Variants in DLG2 observed in about 807,000 individuals in gnomAD.
The protein encoded by DLG2 is disks large homolog 2.
Under a neutral mutation model 132.5 loss-of-function variants are expected in DLG2, and 45 were observed. The ratio of observed to expected loss-of-function variants is 0.34; its 90% CI spans 0.27 to 0.44. The LOEUF is 0.44. Among genes scored for constraint, DLG2 ranks in the 20% least tolerant of loss-of-function variants. DLG2 has a pLI of 1.00. For synonymous variants in DLG2, 424 were observed against 419.6 expected, an observed-to-expected ratio of 1.01 and a Z score of -0.13; for missense variants, 1,045 against 1,196.9, an observed-to-expected ratio of 0.87 and a Z score of 1.87.
intron 19 of DLG2, among the ~76,000 whole-genome samples, chr11:83,555,907 G>A (rs1255587892): frequency 1.3e-5 from 2 of 152,090 alleles, no homozygotes; most frequent in African/African-American, 4.8e-5. Flanking sequence ...ACATCTATTT[G>A]TTTCCAAAAT....
At chr11:84,562,208 G>T (rs1235052598) in intron 6 of DLG2, among the ~76,000 whole-genome samples, 3 of 152,138 alleles carry the variant, frequency 2.0e-5, no homozygotes, top group Non-Finnish European at 4.4e-5. Flanking sequence ...AGAACTGATG[G>T]CTGTCATAGA....
intron 9 of DLG2, among the ~76,000 whole-genome samples, chr11:84,119,216 T>C (rs986421250): frequency 1.3e-5 from 2 of 151,948 alleles, no homozygotes; most frequent in Admixed American, 6.6e-5. Flanking sequence ...AAATCTCTGG[T>C]AGCAAAGCAC....
chr11:85,623,595 G>A (rs1170786245), intron 2 of DLG2, among the ~76,000 whole-genome samples: 2 of 152,054 alleles, frequency 1.3e-5, no homozygotes, highest in Non-Finnish European at 2.9e-5. Flanking sequence ...GAGCCACCGC[G>A]CCTGGCAATA....
chr11:84,239,305 G>A (rs933053992), intron 8 of DLG2, among the ~76,000 whole-genome samples: 31 of 152,026 alleles, frequency 2.0e-4, no homozygotes, highest in Non-Finnish European at 4.3e-4. Context: ...ATCAGCCTCC[G>A]GAGTAGCTGA....
intron 20 of DLG2, among the ~76,000 whole-genome samples, chr11:83,533,767 C>T (rs1369880112): frequency 1.3e-5 from 2 of 152,132 alleles, no homozygotes; most frequent in East Asian, 1.9e-4. Context: ...TGACAGACTC[C>T]TTATAATGGG....
intron 7 of DLG2, among the ~76,000 whole-genome samples, chr11:84,354,851 A>G (rs2098601621): frequency 6.6e-6 from 1 of 152,162 alleles, no homozygotes; most frequent in South Asian, 2.1e-4. Context: ...GTATTAAGGG[A>G]GTATTGAAGA....
In DLG2 at chr11:85,060,294, G is replaced by T. The variant is rs1013189509; in HGVS notation, c.357+51367C>A. Among the ~76,000 whole-genome samples the T allele has an allele frequency of 4.7e-5, 7 of 150,480 alleles. No individual in the cohort carries two copies. The Admixed American group carries it at 4.7e-4, about 10-fold the overall frequency. The stretch of plus-strand genomic sequence containing the variant: ...ATGACAAGATTTTCATTTTTTAAAG[G>T]CTAAGTATATGTATATAATATATAA... On this transcript the variant is annotated intron_variant, in intron 6 of 27. Transcript: ENST00000376104.
intron 18 of DLG2, chr11:83,643,789 C>T (rs2067289781): frequency 6.6e-6 from 1 of 151,838 alleles, no homozygotes; most frequent in African/African-American, 2.4e-5. Flanking sequence ...TATCCAAGGC[C>T]ACGCAGCAAA....
chr11:85,031,947 CTTTTTTTTT>C (rs11389028), intron 6 of DLG2, among the ~76,000 whole-genome samples: 23 of 51,852 alleles, frequency 4.4e-4, no homozygotes, highest in African/African-American at 1.1e-3. Flanking sequence ...TGACAACTGG[CTTTTTTTTT>C]TTTTTTTTTT....
At position 83,867,000 on chromosome 11, in the gene DLG2, G is replaced by A. The variant is rs536996793; in HGVS notation, c.1565+7420C>T. Among the ~76,000 whole-genome samples the A allele has an allele frequency of 1.1e-3, 161 of 152,248 alleles. 2 individuals are homozygous for A. Among genetic ancestry groups the A allele is most frequent in the African/African-American group, 3.8e-3 (156 of 41,554 alleles). On this transcript the variant is annotated intron_variant, in intron 16 of 27. Transcript: ENST00000376104. ...TCTAATTCGGTACATTTCAAGGTGA[G>A]TGGAATCATTATACAAGTTTGTTCC...
intron 2 of DLG2, among the ~76,000 whole-genome samples, chr11:85,613,187 C>T (rs887534930): frequency 1.3e-5 from 2 of 152,140 alleles, no homozygotes; most frequent in Non-Finnish European, 2.9e-5. Flanking sequence ...CCTTTGGGCC[C>T]TGTATTTTTA....
At chr11:83,614,031 C>T (rs1177270632) in intron 19 of DLG2, among the ~76,000 whole-genome samples, 2 of 152,104 alleles carry the variant, frequency 1.3e-5, no homozygotes, top group Non-Finnish European at 2.9e-5. Flanking sequence ...TTGGCCCCTC[C>T]CTGGAAAGAA....
intron 16 of DLG2, among the ~76,000 whole-genome samples, chr11:83,869,840 C>T (rs1449208490): frequency 1.3e-5 from 2 of 152,086 alleles, no homozygotes; most frequent in African/African-American, 2.4e-5. Flanking sequence ...TGTGAAAATG[C>T]TACTAGAATT....
At chr11:83,669,113 C>T (rs916879731) in intron 18 of DLG2, among the ~76,000 whole-genome samples, 1 of 151,898 alleles carries the variant, frequency 6.6e-6, no homozygotes, top group African/African-American at 2.4e-5. Context: ...TTCACTGAAC[C>T]CCTGCTACTG....
Position 85,034,951 on chromosome 11 carries a change from G to A in DLG2, c.357+76710C>T, listed in dbSNP as rs186208595. Among the ~76,000 whole-genome samples, 465 of 152,006 alleles carry A rather than the reference G, an allele frequency of 3.1e-3. 5 individuals are homozygous for A. Among genetic ancestry groups the A allele is most frequent in the Admixed American group, 7.4e-3 (113 of 15,266 alleles). On this transcript the variant is annotated intron_variant, in intron 6 of 27. Transcript: ENST00000376104. ...ATTAAGGTAAAATTCTGGGCCATAC[G>A]CCAAAATCTCAACCTCAATGCACCA... is the stretch of plus-strand genomic sequence containing the variant.
chr11:85,274,577 A>G (rs77893919), intron 4 of DLG2, among the ~76,000 whole-genome samples: 76 of 152,252 alleles, frequency 5.0e-4, no homozygotes, highest in African/African-American at 1.8e-3. Flanking sequence ...GTCTCAGAAA[A>G]TGATATCTCC....
intron 6 of DLG2, among the ~76,000 whole-genome samples, chr11:84,655,549 A>T (rs1171367576): frequency 6.6e-6 from 1 of 152,168 alleles, no homozygotes; most frequent in Non-Finnish European, 1.5e-5. Context: ...ATTCAGAAGA[A>T]AGGGCCCAGA....
intron 18 of DLG2, among the ~76,000 whole-genome samples, chr11:83,705,966 C>A (rs900316516): frequency 6.6e-6 from 1 of 152,148 alleles, no homozygotes; most frequent in African/African-American, 2.4e-5. Context: ...CGCCTGTAAT[C>A]CCAGCACTTT....
rs2099097640 is a variant in DLG2, at chr11:84,467,523, T to A, written c.519+67047A>T. 1.3e-5 allele frequency among the ~76,000 whole-genome samples: 2 copies of A among 151,362 alleles called. 1 individual carries two copies. The highest frequency in any genetic ancestry group is 4.1e-4 in the South Asian group (2 of 4,830). On this transcript the variant is annotated intron_variant, in intron 7 of 27. Transcript: ENST00000376104. The stretch of plus-strand genomic sequence containing the variant: ...TTGTTTACTTTTTTTTAAACTTTTC[T>A]ATACGTTTTTAATTATTCAAAATAA...
Sources: gnomAD v4.1 joint callset for allele counts (sites outside exome capture counted in the v4.1 genomes callset) on GRCh38, gnomAD v4.1.1 for gene constraint, MANE v1.5 for transcripts, NCBI Gene and HGNC (gene_info 2026-07-23, HGNC 2026-07-21) for gene names.